Variants in CENPE observed in about 807,000 individuals in gnomAD.
CENPE encodes centromere-associated protein E.
In CENPE, 145 loss-of-function variants were observed where a neutral mutation model predicts 336.1. The observed-to-expected ratio is 0.43, with a 90% CI of 0.38 to 0.50. The LOEUF (loss-of-function observed/expected upper bound fraction) is 0.50, where lower values mean the gene tolerates loss of function less well. CENPE is among the 20% of genes least tolerant of loss of function. The pLI is 0.00. For synonymous variants in CENPE, 1,013 were observed against 984.8 expected (o/e 1.03, Z -0.54); for missense variants, 2,719 against 3,023.3 (o/e 0.90, Z 2.36).
intron 48 of CENPE, 139 bp downstream of exon 48, chr4:103,108,664 G>C: frequency 1.2e-6 from 1 of 800,388 alleles, no homozygotes. Context: ...CTTTCTTACA[G>C]AGTCAGCAAA....
intron 8 of CENPE, among the ~76,000 whole-genome samples, chr4:103,191,127 C>T (rs141660593): frequency 0.18 from 27,288 of 152,028 alleles, 2,574 homozygotes; most frequent in South Asian, 0.31. Flanking sequence ...GAATGGCAAT[C>T]GTTAAAAAGT....
chr4:103,194,976 T>G (rs1005688113), intron 5 of CENPE, 138 bp downstream of exon 5: 6 of 755,606 alleles, frequency 7.9e-6, no homozygotes, highest in East Asian at 5.8e-5. Context: ...AAGATGAATA[T>G]AAATACTTCA....
Position 103,194,429 on chromosome 4 carries a change from T to C in CENPE, c.572A>G (p.Tyr191Cys). The C allele has an allele frequency of 6.2e-7, 1 of 1,609,172 alleles. No individual in the cohort carries two copies. The highest frequency in any genetic ancestry group is 8.5e-7 in the Non-Finnish European group (1 of 1,176,520). Residue 191 changes from tyrosine to cysteine, a missense_variant, in exon 7 of 49, where the codon TAT (tyrosine) becomes TGT (cysteine). Tyr to Cys is a radical substitution (Grantham distance 194). Coordinates refer to ENST00000265148, the MANE Select transcript of CENPE (RefSeq NM_001813.3). ...TCTTTGATTCATTTTTGTTTCTCCA[T>C]AATGCCTGCTCTCTGTAAAAATGAG... Reference protein sequence around the residue: ...WITKGEKSRHYGETKMNQRSS... With the variant: ...WITKGEKSRHCGETKMNQRSS...
chr4:103,117,876 C>T (rs577294347), intron 44 of CENPE, among the ~76,000 whole-genome samples: 1 of 152,160 alleles, frequency 6.6e-6, no homozygotes, highest in African/African-American at 2.4e-5. Flanking sequence ...GATCCGCCCG[C>T]CTCAGCCTCC....
At chr4:103,174,953 TG>T (rs1755732696) in intron 15 of CENPE, 50 bp from the exon 16 acceptor site, 1 of 1,146,060 alleles carries the variant, frequency 8.7e-7, no homozygotes, top group African/African-American at 1.7e-5. Flanking sequence ...AAATATTTTT[TG>T]TTTCCTTAAT....
intron 33 of CENPE, 127 bp from the exon 34 acceptor site, chr4:103,143,533 G>A: frequency 1.5e-6 from 1 of 653,650 alleles, no homozygotes; most frequent in Non-Finnish European, 2.7e-6. Flanking sequence ...CACCCTCTAA[G>A]CTACTTTTAG....
Position 103,158,607 on chromosome 4 carries a change from A to C in CENPE, c.2874+7T>G. Reference sequence around the variant, plus strand: ...ATTTTTCAAAGTTTAATCAATCAAAACCTTACCATGTTAACAGTATCGTGA... The same window carrying C: ...ATTTTTCAAAGTTTAATCAATCAAACCCTTACCATGTTAACAGTATCGTGA... On this transcript the variant is annotated splice_region_variant and intron_variant, in intron 23 of 48. Transcript: ENST00000265148. The C allele has an allele frequency of 6.3e-7, 1 of 1,583,508 alleles. No homozygotes were observed. Among genetic ancestry groups the C allele is most frequent in the Non-Finnish European group, 8.5e-7 (1 of 1,170,962 alleles).
At chr4:103,155,458 A>G (rs1017910418) in intron 24 of CENPE, among the ~76,000 whole-genome samples, 1 of 151,922 alleles carries the variant, frequency 6.6e-6, no homozygotes, top group African/African-American at 2.4e-5. Flanking sequence ...CTACAGGTGC[A>G]TTGCTACCAT....
rs1366880415 is a variant in CENPE, at chr4:103,158,448, GTATC to G, written c.2881_2884del (p.Asp961LeufsTer12). 1 of 1,571,996 alleles carries G rather than the reference GTATC, an allele frequency of 6.4e-7. No homozygotes were observed. The highest frequency in any genetic ancestry group is 1.4e-5 in the African/African-American group (1 of 72,876). ...AAGAGCATTTCGTAATTGTTCTTGA[GTATC>G]TATATTCTTTGTTAGAAAAATATAA... On this transcript the variant is annotated frameshift_variant, in exon 24 of 49. Coordinates refer to ENST00000265148, the MANE Select transcript of CENPE (RefSeq NM_001813.3). LOFTEE classifies it high-confidence loss of function.
At position 103,185,874 on chromosome 4, in the gene CENPE, TA is replaced by T; in HGVS notation, c.694-14del. 1.3e-6 allele frequency: 2 copies of T among 1,589,870 alleles called. No individual in the cohort carries two copies. Among genetic ancestry groups the T allele is most frequent in the African/African-American group, 1.3e-5 (1 of 74,344 alleles). ...GATCAACCAAATTCTGTAAGATAGA[TA>T]AAAATAAATCCTTAGGGCAGATAAT... On this transcript the variant is annotated splice_polypyrimidine_tract_variant and intron_variant, in intron 8 of 48. Transcript: ENST00000265148.
At chr4:103,183,377 G>C (rs1756484126) in intron 9 of CENPE, 89 bp from the exon 10 acceptor site, 1 of 978,312 alleles carries the variant, frequency 1.0e-6, no homozygotes, top group African/African-American at 1.6e-5. Context: ...AGAGAAATTA[G>C]AGGGCAGATG....
intron 24 of CENPE, among the ~76,000 whole-genome samples, chr4:103,153,642 C>T (rs1320487514): frequency 6.6e-6 from 1 of 152,168 alleles, no homozygotes; most frequent in African/African-American, 2.4e-5. Flanking sequence ...GACATTAATA[C>T]ATTAATTAAA....
At position 103,139,722 on chromosome 4, in the gene CENPE, G is replaced by T. The variant is rs982262482; in HGVS notation, c.6204+67C>A. The T allele has an allele frequency of 3.7e-6, 5 of 1,353,226 alleles. No homozygotes were observed. The African/African-American group carries it at 7.3e-5, about 20-fold the overall frequency. 83.8% of individuals were successfully genotyped at this position (1,353,226 alleles called of 1,614,324 possible). ...TTCCAGAGAAAGAAATAAAAACATT[G>T]TAATTCTTTTCAAAAAAGCTTAATT... On this transcript the variant is annotated intron_variant, in intron 38 of 48. Coordinates refer to ENST00000265148, the MANE Select transcript of CENPE (RefSeq NM_001813.3).
At chr4:103,126,821 G>T (rs558360197) in intron 42 of CENPE, among the ~76,000 whole-genome samples, 16 of 152,050 alleles carry the variant, frequency 1.1e-4, no homozygotes, top group Non-Finnish European at 2.1e-4. Flanking sequence ...TTAGCAGACT[G>T]GCTGAAGAAA....
chr4:103,187,507 G>T (rs886429737), intron 8 of CENPE, among the ~76,000 whole-genome samples: 6 of 152,162 alleles, frequency 3.9e-5, no homozygotes, highest in African/African-American at 1.4e-4. Flanking sequence ...CATTCTTAAA[G>T]AAAAGAATAT....
chr4:103,195,857 G>T, intron 4 of CENPE, 63 bp downstream of exon 4: 1 of 933,230 alleles, frequency 1.1e-6, no homozygotes, highest in Non-Finnish European at 1.8e-6. Flanking sequence ...AATACACTAA[G>T]ACTGGTACCC....
intron 13 of CENPE, among the ~76,000 whole-genome samples, chr4:103,177,723 T>C (rs529271550): frequency 1.5e-4 from 23 of 151,988 alleles, no homozygotes; most frequent in African/African-American, 5.3e-4. Flanking sequence ...CCTCTTAAGA[T>C]TACTTGTTGT....
Position 103,140,054 on chromosome 4 carries a change from A to G in CENPE, c.5939T>C (p.Leu1980Pro), listed in dbSNP as rs745976679. 5 of 1,604,136 alleles carry G rather than the reference A, an allele frequency of 3.1e-6. No homozygotes were observed. Among genetic ancestry groups the G allele is most frequent in the Middle Eastern group, 1.7e-4 (1 of 5,812 alleles). ...KKIQELQKKE[L>P]QLLRVKEDVN... ...ATCTTCTTTCACTCTAAGCAGTTGA[A>G]GTTCTTTTTTCTGAAGTTCTTGGAT... The change falls in exon 38 of 49, where the codon CTT (leucine) becomes CCT (proline). Residue 1980 changes from leucine to proline, a missense_variant. Leu to Pro is a moderately conservative substitution (Grantham distance 98). Around this residue, in one of 5 missense-constraint regions of CENPE, gnomAD observed 2,437 missense variants for 2,513.3 expected, o/e 0.97. Transcript: ENST00000265148.
At chr4:103,163,608 C>CAAAAAAAAAAAAAAAAAAAAAAAAAAAA (rs11315612) in intron 16 of CENPE, 55 bp from the exon 17 acceptor site, 1 of 280,022 alleles carries the variant, frequency 3.6e-6, no homozygotes, top group Non-Finnish European at 6.0e-6. Context: ...TAAAGCAAAG[C>CAAAAAAAAAAAAAAAAAAAAAAAAAAAA]AAAAAAAAAA....
Sources: allele counts gnomAD v4.1 joint callset (sites outside exome capture counted in the v4.1 genomes callset), GRCh38; gene constraint gnomAD v4.1.1; regional missense constraint gnomAD v4.1.1; transcripts MANE v1.5; gene names NCBI Gene and HGNC (gene_info 2026-07-23, HGNC 2026-07-21).